The following TSEN54 variants were observed in gnomAD, a reference collection of about 807,000 sequenced individuals.
TSEN54 encodes tRNA splicing endonuclease subunit 54, also known as tRNA-splicing endonuclease subunit Sen54.
TSEN54 carries 55 observed loss-of-function variants against 61.9 expected under a neutral mutation model. That is an observed-to-expected ratio of 0.89 (90% CI 0.72 to 1.11). The LOEUF is 1.11. TSEN54 is among the 50% of genes most tolerant of loss of function. The pLI is 0.00. For missense variants in TSEN54, 760 were observed against 687.7 expected, an observed-to-expected ratio of 1.11 and a Z score of -1.18; for synonymous variants, 304 against 288.7, an observed-to-expected ratio of 1.05 and a Z score of -0.54.
In TSEN54 at chr17:75,522,029, C is replaced by G. The variant is rs373682085; in HGVS notation, c.948C>G (p.Arg316=). The part of the protein sequence containing the change: ...MASDSRHTLL[R]APAPELLPAN... ...CAGACAGCCGCCACACCCTTCTGCGCGCCCCAGCCCCAGAGCTGCTCCCGG... is the reference window on the plus strand; with the variant it reads ...CAGACAGCCGCCACACCCTTCTGCGGGCCCCAGCCCCAGAGCTGCTCCCGG... The change falls in exon 8 of 11, where the codon CGC becomes CGG. Residue 316 remains arginine, a synonymous_variant. Coordinates refer to ENST00000333213, the MANE Select transcript of TSEN54 (RefSeq NM_207346.3). The G allele has an allele frequency of 5.6e-6, 9 of 1,593,682 alleles. No homozygotes were observed. Among genetic ancestry groups the G allele is most frequent in the South Asian group, 1.1e-5 (1 of 88,332 alleles).
chr17:75,522,908 C>T (rs543122891), intron 8 of TSEN54: 6 of 333,748 alleles, frequency 1.8e-5, no homozygotes, highest in East Asian at 7.4e-5. Flanking sequence ...AGGCTGGACA[C>T]GGTGGCTCAT....
chr17:75,522,399 A>G lies in TSEN54; in HGVS notation c.1252+66A>G, dbSNP rs563968430. 1.8e-4 allele frequency: 279 copies of G among 1,536,502 alleles called. 3 individuals carry two copies. In the African/African-American group the frequency reaches 3.3e-3, roughly 18 times the overall value. ...GCTGAGGAATCACAGGACTTTGGAA[A>G]GGGCATGGATGAACTGGGATGGATT... On this transcript the variant is annotated intron_variant, in intron 8 of 10. Coordinates refer to ENST00000333213, the MANE Select transcript of TSEN54 (RefSeq NM_207346.3).
Position 75,517,639 on chromosome 17 carries a change from C to T in TSEN54, c.452C>T (p.Thr151Ile), listed in dbSNP as rs762143678. 6.2e-7 allele frequency: 1 copy of T among 1,613,860 alleles called. No individual in the cohort carries two copies. Among genetic ancestry groups the T allele is most frequent in the East Asian group, 2.2e-5 (1 of 44,884 alleles). The change falls in exon 5 of 11, where the codon ACC becomes ATC. Residue 151 changes from threonine to isoleucine, a missense_variant. This residue lies in a region of TSEN54 where 667 missense variants were observed against 577.8 expected (regional missense o/e 1.15). Coordinates refer to ENST00000333213, the MANE Select transcript of TSEN54 (RefSeq NM_207346.3). ...CTGCTGCTGACCGACCACACTGTGA[C>T]CTTCCTGCAGTACCAGGTATCTGCC... ...YQLLLTDHTV[T>I]FLQYQVFSHL...
At chr17:75,518,725 TTTTCTGG>T in intron 5 of TSEN54, 29 of 985,344 alleles carry the variant, frequency 2.9e-5, no homozygotes, top group Non-Finnish European at 3.4e-5. Context: ...GGCGTGGTGG[TTTTCTGG>T]TTTCATGGCT....
At chr17:75,522,782 G>C (rs2053442302) in intron 8 of TSEN54, 2 of 274,830 alleles carry the variant, frequency 7.3e-6, no homozygotes, top group Non-Finnish European at 1.4e-5. Context: ...TAGATTGTAG[G>C]TAACTAGATA....
Position 75,521,423 on chromosome 17 carries a change from C to G in TSEN54, c.536C>G (p.Pro179Arg), listed in dbSNP as rs376310114. 3.7e-5 allele frequency: 60 copies of G among 1,613,944 alleles called. No individual in the cohort carries two copies. The highest frequency in any genetic ancestry group is 4.8e-5 in the Non-Finnish European group (57 of 1,180,000). ...RRFQPSSVLS[P>R]YERQLNLDAS... is the part of the protein sequence containing the mutation. ...TCACCCCACAGCTCTGTCCTGTCCC[C>G]GTATGAGAGGCAGCTTAACCTGGAT... Residue 179 changes from proline to arginine, a missense_variant, in exon 7 of 11, where the codon CCG becomes CGG. Coordinates refer to ENST00000333213, the MANE Select transcript of TSEN54 (RefSeq NM_207346.3).
At position 75,524,466 on chromosome 17, in the gene TSEN54, T is replaced by C; in HGVS notation, c.*54T>C. On this transcript the variant is annotated 3_prime_UTR_variant, in exon 11 of 11. Transcript: ENST00000333213. ...GCTCCGGGGGACCGGGACTGTCTGTTCTCAGGGACCATCTCGGCTGCCTCC... is the reference window on the plus strand; with the variant it reads ...GCTCCGGGGGACCGGGACTGTCTGTCCTCAGGGACCATCTCGGCTGCCTCC... 6.2e-7 allele frequency: 1 copy of C among 1,610,540 alleles called. No homozygotes were observed. The highest frequency in any genetic ancestry group is 8.5e-7 in the Non-Finnish European group (1 of 1,178,630).
intron 5 of TSEN54, 62 bp downstream of exon 5, chr17:75,517,717 G>A (rs1598474553): frequency 2.9e-6 from 4 of 1,398,756 alleles, no homozygotes; most frequent in African/African-American, 2.8e-5. Context: ...GTATTGACAA[G>A]TACCCATAAG....
intron 6 of TSEN54, among the ~76,000 whole-genome samples, 163 bp downstream of exon 6, chr17:75,519,210 G>A (rs1477157645): frequency 6.6e-6 from 1 of 152,192 alleles, no homozygotes; most frequent in Non-Finnish European, 1.5e-5. Flanking sequence ...AGAGAGGCAG[G>A]TTGGGAGGAA....
chr17:75,518,614 T>G, intron 5 of TSEN54: 1 of 985,356 alleles, frequency 1.0e-6, no homozygotes, highest in African/African-American at 1.7e-5. Flanking sequence ...TGTGGAGGTG[T>G]GGGGCTGGAG....
chr17:75,518,158 A>G (rs2053393103), intron 5 of TSEN54, among the ~76,000 whole-genome samples: 2 of 152,312 alleles, frequency 1.3e-5, no homozygotes, highest in South Asian at 2.1e-4. Flanking sequence ...ACTGTGTCAG[A>G]TAAGTTAATT....
intron 7 of TSEN54, 22 bp from the exon 8 acceptor site, chr17:75,521,683 G>C (rs2053428419): frequency 6.2e-7 from 1 of 1,612,106 alleles, no homozygotes; most frequent in South Asian, 1.1e-5. Flanking sequence ...CAGATGTGCT[G>C]CTTTTCCCCC....
chr17:75,524,435 G>A lies in TSEN54; in HGVS notation c.*23G>A, dbSNP rs770317928. On this transcript the variant is annotated 3_prime_UTR_variant, in exon 11 of 11. Transcript: ENST00000333213. ...TGACCTCACAGCTCTGCAGAGGATGGAGCTTGCTCCGGGGGACCGGGACTG... is the reference window on the plus strand; with the variant it reads ...TGACCTCACAGCTCTGCAGAGGATGAAGCTTGCTCCGGGGGACCGGGACTG... The A allele has an allele frequency of 6.2e-7, 1 of 1,613,876 alleles. No individual in the cohort carries two copies. The highest frequency in any genetic ancestry group is 1.1e-5 in the South Asian group (1 of 91,076).
rs773133464 is a variant in TSEN54 at position 75,517,546 on chromosome 17, C to T, written c.370-11C>T. On this transcript the variant is annotated splice_polypyrimidine_tract_variant and intron_variant, in intron 4 of 10. Coordinates refer to ENST00000333213, the MANE Select transcript of TSEN54 (RefSeq NM_207346.3). Reference sequence around the variant, plus strand: ...AGGGCTCATAAGCTGAGCTGTTGGCCCCACTTCCAGGGCTCCATCCACCTC... The same window carrying T: ...AGGGCTCATAAGCTGAGCTGTTGGCTCCACTTCCAGGGCTCCATCCACCTC... 10 of 1,612,302 alleles carry T rather than the reference C, an allele frequency of 6.2e-6. No individual in the cohort carries two copies. The East Asian group carries it at 2.2e-4, about 36-fold the overall frequency.
At chr17:75,516,676 A>G (rs1267087492) in intron 1 of TSEN54, 60 bp downstream of exon 1, 2 of 1,292,598 alleles carry the variant, frequency 1.5e-6, no homozygotes, top group Non-Finnish European at 2.0e-6. Flanking sequence ...GGGTAGGGAA[A>G]CCGGCGCCCG....
In TSEN54 at chr17:75,516,842, G is replaced by C. The variant is rs755967065; in HGVS notation, c.153G>C (p.Gln51His). 1.1e-5 allele frequency: 17 copies of C among 1,584,350 alleles called. No individual in the cohort carries two copies. In the Middle Eastern group the frequency reaches 6.7e-4, roughly 62 times the overall value. The change falls in exon 2 of 11, where the codon CAG (glutamine) becomes CAC (histidine). Residue 51 changes from glutamine to histidine, a missense_variant. Around this residue, in one of 3 missense-constraint regions of TSEN54, gnomAD observed 667 missense variants for 577.8 expected, o/e 1.15. Coordinates refer to ENST00000333213, the MANE Select transcript of TSEN54 (RefSeq NM_207346.3). Reference protein sequence around the residue: ...KDFLPDGSAAQAERLRRCREE... With the variant: ...KDFLPDGSAAHAERLRRCREE... The stretch of plus-strand genomic sequence containing the variant: ...TTCTGCCCGACGGCTCGGCAGCTCA[G>C]GCCGAGCGGCTGCGCCGGTGCCGGG...
intron 5 of TSEN54, 35 bp from the exon 6 acceptor site, chr17:75,518,960 C>T (rs1342258994): frequency 6.2e-7 from 1 of 1,612,372 alleles, no homozygotes; most frequent in Non-Finnish European, 8.5e-7. Context: ...TCCAGAGTGG[C>T]CATCTGAGCT....
At chr17:75,523,502 G>A (rs2053454452) in intron 9 of TSEN54, 161 bp from the exon 10 acceptor site, 1 of 1,598,274 alleles carries the variant, frequency 6.3e-7, no homozygotes, top group East Asian at 2.2e-5. Context: ...TAGGGAAGAG[G>A]GAGAATAACC....
chr17:75,524,667 T>TG lies in TSEN54; in HGVS notation c.*256dup. On this transcript the variant is annotated 3_prime_UTR_variant, in exon 11 of 11. Coordinates refer to ENST00000333213, the MANE Select transcript of TSEN54 (RefSeq NM_207346.3). ...GGAGGTGGGGCAGAAGAGAGGACTG[T>TG]GTGCCTTTAACGAGAGGGTGCCTGC... 1.7e-6 allele frequency: 1 copy of TG among 588,658 alleles called. No individual in the cohort carries two copies. The allele number at this position is 588,658 out of a possible 1,614,324, so 36.5% of individuals were successfully genotyped here.
Sources: allele counts gnomAD v4.1 joint callset (sites outside exome capture counted in the v4.1 genomes callset), GRCh38; gene constraint gnomAD v4.1.1; regional missense constraint gnomAD v4.1.1; transcripts MANE v1.5; gene names NCBI Gene and HGNC (gene_info 2026-07-23, HGNC 2026-07-21).